Variants in MCU observed in about 807,000 individuals in gnomAD.
The protein encoded by MCU is mitochondrial calcium uniporter.
Under a neutral mutation model 45.2 loss-of-function variants are expected in MCU, and 12 were observed. That is an observed-to-expected ratio of 0.27 (90% CI 0.17 to 0.43). The LOEUF is 0.43. MCU is among the 20% of genes least tolerant of loss of function. The pLI is 1.00. For missense variants in MCU, 324 were observed against 436.7 expected (o/e 0.74, Z 2.30); for synonymous variants, 160 against 165.1 (o/e 0.97, Z 0.24).
At chr10:72,694,599 T>C (rs1482635203) in intron 1 of MCU, among the ~76,000 whole-genome samples, 3 of 152,246 alleles carry the variant, frequency 2.0e-5, no homozygotes, top group Non-Finnish European at 4.4e-5. Context: ...CCAGAAAGAA[T>C]AGATGTTCTG....
intron 1 of MCU, among the ~76,000 whole-genome samples, chr10:72,830,868 A>G (rs73286792): frequency 0.035 from 5,312 of 152,270 alleles, 308 homozygotes; most frequent in African/African-American, 0.12. Context: ...ACAGTTCTCC[A>G]AAGGAAGCTG....
chr10:72,728,190 A>G (rs573481627), intron 1 of MCU, among the ~76,000 whole-genome samples: 4 of 152,340 alleles, frequency 2.6e-5, no homozygotes, highest in African/African-American at 9.6e-5. Context: ...TCTCCATTAT[A>G]TCACTTGTCT....
rs1352717434 is a variant in MCU, at chr10:72,886,496, T to C, written c.*674T>C. The C allele has an allele frequency of 6.6e-6, 1 of 152,398 alleles. No homozygotes were observed. Among genetic ancestry groups the C allele is most frequent in the Non-Finnish European group, 1.5e-5 (1 of 68,048 alleles). 9.4% of individuals were successfully genotyped at this position (152,398 alleles called of 1,614,324 possible). ...TATATCCCAGTGCTCTGGATCAGTGTCTAAAAATCACTGGCAACACTGCAT... is the reference window on the plus strand; with the variant it reads ...TATATCCCAGTGCTCTGGATCAGTGCCTAAAAATCACTGGCAACACTGCAT... On this transcript the variant is annotated 3_prime_UTR_variant, in exon 8 of 8. Transcript: ENST00000373053.
At chr10:72,696,747 C>T (rs1156670696) in intron 1 of MCU, among the ~76,000 whole-genome samples, 1 of 152,044 alleles carries the variant, frequency 6.6e-6, no homozygotes, top group African/African-American at 2.4e-5. Context: ...TAGCTATGCA[C>T]CCCTTTTTCT....
At chr10:72,874,176 A>G (rs1028811282) in intron 6 of MCU, among the ~76,000 whole-genome samples, 1 of 152,204 alleles carries the variant, frequency 6.6e-6, no homozygotes, top group Non-Finnish European at 1.5e-5. Flanking sequence ...TCAAATGTGT[A>G]CATGGTTCAG....
At chr10:72,742,386 A>T (rs1332846127) in intron 1 of MCU, among the ~76,000 whole-genome samples, 1 of 152,162 alleles carries the variant, frequency 6.6e-6, no homozygotes, top group Non-Finnish European at 1.5e-5. Context: ...CTTTGTCATC[A>T]TAGGGTTTTT....
At chr10:72,832,077 T>A (rs1031624010) in intron 1 of MCU, among the ~76,000 whole-genome samples, 1 of 152,104 alleles carries the variant, frequency 6.6e-6, no homozygotes, top group Non-Finnish European at 1.5e-5. Context: ...TATTTTAATG[T>A]TTTTTAAGAG....
rs560160215 is a variant in MCU, at chr10:72,887,168, A to G, written c.*1346A>G. ...ATTGGCCTTTTCTTTCACGTGATTCATCCTTCCTCATTGTGGCAAGGAGTT... is the reference window on the plus strand; with the variant it reads ...ATTGGCCTTTTCTTTCACGTGATTCGTCCTTCCTCATTGTGGCAAGGAGTT... On this transcript the variant is annotated 3_prime_UTR_variant, in exon 8 of 8. Transcript: ENST00000373053. 6.5e-6 allele frequency: 1 copy of G among 152,712 alleles called. No homozygotes were observed. Among genetic ancestry groups the G allele is most frequent in the Non-Finnish European group, 1.5e-5 (1 of 68,032 alleles). The allele number at this position is 152,712 out of a possible 1,614,324, so 9.5% of individuals were successfully genotyped here.
intron 1 of MCU, among the ~76,000 whole-genome samples, chr10:72,827,024 A>C (rs1241990447): frequency 6.6e-6 from 1 of 152,182 alleles, no homozygotes; most frequent in Admixed American, 6.6e-5. Context: ...ATCCATAGGT[A>C]TGTGTTTATA....
intron 1 of MCU, among the ~76,000 whole-genome samples, chr10:72,811,827 C>A (rs999305500): frequency 1.3e-5 from 2 of 152,056 alleles, no homozygotes; most frequent in Admixed American, 6.5e-5. Context: ...AAGAATTTTA[C>A]CAAAAGACCA....
intron 1 of MCU, among the ~76,000 whole-genome samples, chr10:72,818,250 CAG>C (rs1237851813): frequency 6.6e-6 from 1 of 152,170 alleles, no homozygotes; most frequent in Non-Finnish European, 1.5e-5. Context: ...GATTAGTGAG[CAG>C]AGAGAGGCTA....
intron 2 of MCU, among the ~76,000 whole-genome samples, chr10:72,841,649 G>T (rs964335900): frequency 6.6e-6 from 1 of 152,150 alleles, no homozygotes; most frequent in Non-Finnish European, 1.5e-5. Context: ...CACAGATGGT[G>T]CATCTTCCAA....
intron 1 of MCU, among the ~76,000 whole-genome samples, chr10:72,822,986 A>G (rs1020224803): frequency 1.6e-4 from 24 of 152,226 alleles, no homozygotes; most frequent in Non-Finnish European, 2.5e-4. Flanking sequence ...CAGAGTTCCC[A>G]TGGGACCCCA....
chr10:72,865,377 A>G (rs1845437320), intron 4 of MCU, among the ~76,000 whole-genome samples: 2 of 152,354 alleles, frequency 1.3e-5, no homozygotes, highest in East Asian at 1.9e-4. Flanking sequence ...GTAATTCAAT[A>G]GCAGCATTGG....
intron 1 of MCU, among the ~76,000 whole-genome samples, chr10:72,771,326 A>G (rs1843804718): frequency 6.6e-6 from 1 of 152,226 alleles, no homozygotes; most frequent in Admixed American, 6.5e-5. Flanking sequence ...TTTGCTAAGA[A>G]TGATGGTTTC....
At chr10:72,781,196 T>A (rs1448171860) in intron 1 of MCU, among the ~76,000 whole-genome samples, 8 of 152,202 alleles carry the variant, frequency 5.3e-5, no homozygotes, top group Admixed American at 3.9e-4. Flanking sequence ...TTCTGGTGAA[T>A]TGAATTTGTC....
chr10:72,881,919 A>G (rs1845708928), intron 6 of MCU, among the ~76,000 whole-genome samples: 1 of 152,250 alleles, frequency 6.6e-6, no homozygotes, highest in Non-Finnish European at 1.5e-5. Flanking sequence ...TCAGCTGAGG[A>G]ATGGATAAAT....
intron 1 of MCU, among the ~76,000 whole-genome samples, chr10:72,772,221 T>G (rs368539809): frequency 8.5e-5 from 13 of 152,352 alleles, no homozygotes; most frequent in African/African-American, 2.9e-4. Context: ...AGCACCATGC[T>G]GTAGGAGGTA....
intron 1 of MCU, among the ~76,000 whole-genome samples, chr10:72,805,526 T>A (rs1844434714): frequency 6.6e-6 from 1 of 151,800 alleles, no homozygotes; most frequent in Admixed American, 6.6e-5. Flanking sequence ...GGATTACAGG[T>A]GTGAGCCACC....
Sources: gnomAD v4.1 joint callset for allele counts (sites outside exome capture counted in the v4.1 genomes callset) on GRCh38, gnomAD v4.1.1 for gene constraint, MANE v1.5 for transcripts, NCBI Gene and HGNC (gene_info 2026-07-23, HGNC 2026-07-21) for gene names.